The following APP variants were observed in gnomAD, a reference collection of about 807,000 sequenced individuals.
The protein encoded by APP is amyloid beta precursor protein.
APP carries 31 observed loss-of-function variants against 101.4 expected under a neutral mutation model. The ratio of observed to expected loss-of-function variants is 0.31; its 90% CI spans 0.23 to 0.41. APP has a LOEUF of 0.41. Ranked by LOEUF, APP falls within the 10% of genes least tolerant of loss-of-function variation. The pLI, the probability that APP is intolerant of heterozygous loss-of-function variation, is 1.00. For synonymous variants in APP, 366 were observed against 364.4 expected (o/e 1.00, Z -0.05); for missense variants, 839 against 1,003.7 (o/e 0.84, Z 2.22).
chr21:26,073,792 G>C (rs1277106134), intron 3 of APP, among the ~76,000 whole-genome samples: 1 of 152,194 alleles, frequency 6.6e-6, no homozygotes, highest in East Asian at 1.9e-4. Flanking sequence ...CAGGAATTCA[G>C]ACTCACCTAA....
chr21:26,136,881 A>G (rs891154340), intron 1 of APP, among the ~76,000 whole-genome samples: 6 of 152,220 alleles, frequency 3.9e-5, no homozygotes, highest in African/African-American at 1.4e-4. Flanking sequence ...AGAAACCACA[A>G]ACTAGTTTCC....
chr21:26,057,559 A>G (rs1354994122), intron 3 of APP, among the ~76,000 whole-genome samples: 1 of 152,126 alleles, frequency 6.6e-6, no homozygotes, highest in East Asian at 1.9e-4. Flanking sequence ...CTTCTTGGCT[A>G]TGAAGTCTTG....
chr21:26,168,225 C>A (rs1324932790), intron 1 of APP, among the ~76,000 whole-genome samples: 1 of 152,168 alleles, frequency 6.6e-6, no homozygotes, highest in African/African-American at 2.4e-5. Flanking sequence ...CCCCCGATAG[C>A]CAAGGCCCCA....
At chr21:25,897,543 T>C in intron 16 of APP, 30 bp downstream of exon 16, 3 of 1,507,746 alleles carry the variant, frequency 2.0e-6, no homozygotes, top group Admixed American at 1.7e-5. Flanking sequence ...AGACAAACAG[T>C]AGTGGAAAGA....
chr21:25,936,427 C>T (rs2146415219), intron 13 of APP, among the ~76,000 whole-genome samples: 1 of 152,352 alleles, frequency 6.6e-6, no homozygotes, highest in East Asian at 1.9e-4. Context: ...CCTGTAATCT[C>T]AGCTACTCGG....
chr21:25,883,278 C>G (rs1413859014), intron 17 of APP, among the ~76,000 whole-genome samples: 1 of 152,028 alleles, frequency 6.6e-6, no homozygotes, highest in African/African-American at 2.4e-5. Context: ...TGGTGCACGC[C>G]TGTAATCCCA....
chr21:25,964,773 T>A (rs576067911), intron 11 of APP, among the ~76,000 whole-genome samples: 1 of 152,138 alleles, frequency 6.6e-6, no homozygotes, highest in South Asian at 2.1e-4. Context: ...GCTAATTTTG[T>A]ATTTTTAGTA....
intron 6 of APP, among the ~76,000 whole-genome samples, chr21:26,001,056 T>G (rs45450599): frequency 0.091 from 13,869 of 152,224 alleles, 1,017 homozygotes; most frequent in East Asian, 0.31. Flanking sequence ...GTATTAAAAA[T>G]CTGTATTATT....
In APP at chr21:26,013,482, CT is replaced by C. The variant is rs35031616; in HGVS notation, c.865+8357del. Among the ~76,000 whole-genome samples, 240 of 147,728 alleles carry C rather than the reference CT, an allele frequency of 1.6e-3. 1 individual carries two copies. Among genetic ancestry groups the C allele is most frequent in the African/African-American group, 5.4e-3 (217 of 40,364 alleles). On this transcript the variant is annotated intron_variant, in intron 6 of 17. Coordinates refer to ENST00000346798, the MANE Select transcript of APP (RefSeq NM_000484.4). ...TTATTGTGCCTGAGGCATCTGCACACTTTTTTTTTTTTAAAGCAACTGATTT... is the reference window on the plus strand; with the variant it reads ...TTATTGTGCCTGAGGCATCTGCACACTTTTTTTTTTTAAAGCAACTGATTT...
chr21:26,161,010 C>A (rs1157154535), intron 1 of APP, among the ~76,000 whole-genome samples: 1 of 152,132 alleles, frequency 6.6e-6, no homozygotes, highest in African/African-American at 2.4e-5. Flanking sequence ...TATGCTTGTT[C>A]GCAGTTTCTT....
intron 13 of APP, among the ~76,000 whole-genome samples, chr21:25,928,072 C>T (rs1186468288): frequency 1.3e-5 from 2 of 152,108 alleles, no homozygotes; most frequent in South Asian, 2.1e-4. Context: ...TGGCCAGGCG[C>T]GGTGGCTCAC....
At chr21:25,951,474 A>G (rs2041072264) in intron 13 of APP, among the ~76,000 whole-genome samples, 1 of 152,230 alleles carries the variant, frequency 6.6e-6, no homozygotes, top group Non-Finnish European at 1.5e-5. Flanking sequence ...TTGTATTTAT[A>G]AGCACAAACT....
intron 1 of APP, among the ~76,000 whole-genome samples, chr21:26,130,390 C>T (rs149879332): frequency 2.8e-3 from 421 of 152,320 alleles, no homozygotes; most frequent in African/African-American, 9.6e-3. Flanking sequence ...AGTGGTGACA[C>T]GCTGACTTCC....
intron 1 of APP, among the ~76,000 whole-genome samples, chr21:26,126,191 T>TA (rs2062680233): frequency 6.6e-6 from 1 of 152,206 alleles, no homozygotes; most frequent in African/African-American, 2.4e-5. Flanking sequence ...GCAAAACAGA[T>TA]AACATCACAT....
chr21:25,999,990 C>T (rs761043903), intron 7 of APP, 25 bp downstream of exon 7: 18 of 1,612,908 alleles, frequency 1.1e-5, no homozygotes, highest in Non-Finnish European at 1.4e-5. Context: ...GAAAGGTGGC[C>T]AGGCTCGAAG....
intron 9 of APP, among the ~76,000 whole-genome samples, chr21:25,979,898 A>C (rs2042364010): frequency 6.1e-5 from 1 of 16,406 alleles, no homozygotes; most frequent in African/African-American, 2.4e-4. Context: ...CCAGCTTGGA[A>C]AGATAATGCA....
At chr21:26,022,624 T>C (rs1233154536) in intron 5 of APP, among the ~76,000 whole-genome samples, 2 of 152,202 alleles carry the variant, frequency 1.3e-5, no homozygotes, top group African/African-American at 4.8e-5. Flanking sequence ...AGTTTCTGCT[T>C]GAATTCTTTG....
intron 3 of APP, among the ~76,000 whole-genome samples, chr21:26,058,989 G>A (rs1184947387): frequency 6.6e-6 from 1 of 151,788 alleles, no homozygotes; most frequent in African/African-American, 2.4e-5. Context: ...GCTGAGGCAG[G>A]AGAATGGCGT....
chr21:26,152,413 A>G (rs2063296744), intron 1 of APP, among the ~76,000 whole-genome samples: 1 of 152,050 alleles, frequency 6.6e-6, no homozygotes. Flanking sequence ...CAGTTTCCCT[A>G]AACAGATTTA....
Sources: gnomAD v4.1 joint callset for allele counts (sites outside exome capture counted in the v4.1 genomes callset) on GRCh38, gnomAD v4.1.1 for gene constraint, MANE v1.5 for transcripts, NCBI Gene and HGNC (gene_info 2026-07-23, HGNC 2026-07-21) for gene names.